SH3PXD2A: variants seen among roughly 807,000 people sequenced by gnomAD.
The protein encoded by SH3PXD2A is SH3 and PX domains 2A, also known as SH3 and PX domain-containing protein 2A.
SH3PXD2A carries 32 observed loss-of-function variants against 115.2 expected under a neutral mutation model. The ratio of observed to expected loss-of-function variants is 0.28; its 90% CI spans 0.21 to 0.37. The LOEUF is 0.37. Ranked by LOEUF, SH3PXD2A falls within the 10% of genes least tolerant of loss-of-function variation. SH3PXD2A has a pLI of 1.00. For missense variants in SH3PXD2A, 1,328 were observed against 1,498.7 expected (o/e 0.89, Z 1.88); for synonymous variants, 610 against 629.1 (o/e 0.97, Z 0.45).
At chr10:103,657,671 A>T (rs2037231199) in intron 8 of SH3PXD2A, among the ~76,000 whole-genome samples, 1 of 152,052 alleles carries the variant, frequency 6.6e-6, no homozygotes, top group Non-Finnish European at 1.5e-5. Flanking sequence ...TTTGGGTTTG[A>T]CTCCTGTTCT....
chr10:103,696,576 C>G (rs1420330868), intron 5 of SH3PXD2A, among the ~76,000 whole-genome samples: 1 of 152,192 alleles, frequency 6.6e-6, no homozygotes, highest in Admixed American at 6.5e-5. Context: ...TGACAGCCCC[C>G]ACCCTGCCGG....
At chr10:103,642,020 C>CTTAA (rs2036962903) in intron 8 of SH3PXD2A, among the ~76,000 whole-genome samples, 1 of 152,104 alleles carries the variant, frequency 6.6e-6, no homozygotes, top group South Asian at 2.1e-4. Flanking sequence ...ATAAAGCCAT[C>CTTAA]GTTAAGTTGA....
chr10:103,661,001 T>A lies in SH3PXD2A; in HGVS notation c.586A>T (p.Ile196Phe), dbSNP rs2037289951. 9 of 1,614,070 alleles carry A rather than the reference T, an allele frequency of 5.6e-6. No homozygotes were observed. Among genetic ancestry groups the A allele is most frequent in the Non-Finnish European group, 7.6e-6 (9 of 1,179,950 alleles). Residue 196 changes from isoleucine (I) to phenylalanine (F), a missense_variant, in exon 8 of 15, where the codon ATC (isoleucine) becomes TTC (phenylalanine). Around this residue, in one of 5 missense-constraint regions of SH3PXD2A, gnomAD observed 509 missense variants for 628.3 expected, o/e 0.81. Coordinates refer to ENST00000369774, the MANE Select transcript of SH3PXD2A (RefSeq NM_001394015.1). ...SLQAGEVVDV[I>F]EKNESGWWFV... ...CACTCACCGCTCTCGTTCTTCTCGA[T>A]GACATCCACCACCTCCCCGGCCTGG...
At chr10:103,733,660 A>C (rs915328928) in intron 4 of SH3PXD2A, among the ~76,000 whole-genome samples, 2 of 152,264 alleles carry the variant, frequency 1.3e-5, no homozygotes, top group Non-Finnish European at 2.9e-5. Flanking sequence ...CACAGTCACG[A>C]AATTCAAACT....
chr10:103,711,471 C>T (rs1018514151), intron 5 of SH3PXD2A, among the ~76,000 whole-genome samples: 1 of 152,218 alleles, frequency 6.6e-6, no homozygotes, highest in Non-Finnish European at 1.5e-5. Context: ...ACGCAGGGAA[C>T]GTGCCCACTG....
At chr10:103,803,233 G>A (rs1157168314) in intron 1 of SH3PXD2A, among the ~76,000 whole-genome samples, 1 of 152,196 alleles carries the variant, frequency 6.6e-6, no homozygotes, top group Non-Finnish European at 1.5e-5. Context: ...CAGAGATGGG[G>A]CATTTATGAC....
chr10:103,824,379 T>A (rs2039409644), intron 1 of SH3PXD2A, among the ~76,000 whole-genome samples: 1 of 152,200 alleles, frequency 6.6e-6, no homozygotes, highest in Non-Finnish European at 1.5e-5. Flanking sequence ...GCTGAAGCAG[T>A]CCCGAACTCA....
At chr10:103,637,441 G>C (rs573183330) in intron 8 of SH3PXD2A, among the ~76,000 whole-genome samples, 93 of 152,312 alleles carry the variant, frequency 6.1e-4, no homozygotes, top group African/African-American at 2.1e-3. Context: ...CCTATGTAAG[G>C]GTTTTGGTAT....
intron 2 of SH3PXD2A, among the ~76,000 whole-genome samples, chr10:103,771,780 CAG>C (rs1491471157): frequency 4.0e-5 from 6 of 149,926 alleles, no homozygotes; most frequent in South Asian, 4.3e-4. Flanking sequence ...CACACACACA[CAG>C]ACACACACAT....
At position 103,602,759 on chromosome 10, in the gene SH3PXD2A, G is replaced by A; in HGVS notation, c.2459C>T (p.Ser820Phe). 6.2e-7 allele frequency: 1 copy of A among 1,614,086 alleles called. No individual in the cohort carries two copies. The highest frequency in any genetic ancestry group is 8.5e-7 in the Non-Finnish European group (1 of 1,179,996). ...APSEGSRRSS[S>F]DLITLPATTP... ...GGTGGCTGGGAGGGTGATGAGGTCG[G>A]ATGAGCTTCTCCTAGACCCCTCACT... Residue 820 changes from serine (S) to phenylalanine (F), a missense_variant, in exon 15 of 15, where the codon TCC (serine) becomes TTC (phenylalanine). Around this residue, in one of 5 missense-constraint regions of SH3PXD2A, gnomAD observed 574 missense variants for 565.7 expected, o/e 1.01. Coordinates refer to ENST00000369774, the MANE Select transcript of SH3PXD2A (RefSeq NM_001394015.1).
intron 2 of SH3PXD2A, 105 bp from the exon 3 acceptor site, chr10:103,767,274 C>T (rs2038763970): frequency 1.1e-5 from 9 of 797,568 alleles, no homozygotes; most frequent in Admixed American, 8.1e-5. Flanking sequence ...TGTCCTCACA[C>T]GGATGAGTGA....
chr10:103,774,483 T>G (rs1402298626), intron 2 of SH3PXD2A, among the ~76,000 whole-genome samples: 1 of 152,260 alleles, frequency 6.6e-6, no homozygotes, highest in Non-Finnish European at 1.5e-5. Context: ...ATTTAACTGT[T>G]TGAAAGTCGT....
In SH3PXD2A at chr10:103,605,684, C is replaced by T. The variant is rs550358333; in HGVS notation, c.1428+114G>A. The T allele has an allele frequency of 2.6e-5, 35 of 1,340,442 alleles. No homozygotes were observed. In the African/African-American group the frequency reaches 4.4e-4, roughly 17 times the overall value. The allele number at this position is 1,340,442 out of a possible 1,614,324, so 83.0% of individuals were successfully genotyped here. ...ATCTTTGTGGGGCTCATTTCTGTAC[C>T]TTTCCTGCCTGCCTGCCCCTCAGGA... On this transcript the variant is annotated intron_variant, in intron 14 of 14. Transcript: ENST00000369774.
At chr10:103,803,155 G>A (rs2039163958) in intron 1 of SH3PXD2A, among the ~76,000 whole-genome samples, 1 of 152,160 alleles carries the variant, frequency 6.6e-6, no homozygotes, top group African/African-American at 2.4e-5. Flanking sequence ...GCCATGGCGA[G>A]TTTTTTCTGA....
At chr10:103,719,440 T>A (rs551734377) in intron 5 of SH3PXD2A, among the ~76,000 whole-genome samples, 164 of 152,324 alleles carry the variant, frequency 1.1e-3, no homozygotes, top group Non-Finnish European at 2.1e-3. Flanking sequence ...GGTAAAATCA[T>A]GTCACAGTCG....
intron 13 of SH3PXD2A, among the ~76,000 whole-genome samples, chr10:103,606,599 A>AT (rs1213490575): frequency 1.3e-5 from 2 of 150,926 alleles, no homozygotes; most frequent in East Asian, 2.0e-4. Flanking sequence ...TCCCTGCCTG[A>AT]TTCTCCTGCC....
rs1006445247 is a variant in SH3PXD2A at position 103,666,467 on chromosome 10, C to T, written c.472+2141G>A. 8.5e-5 allele frequency among the ~76,000 whole-genome samples: 13 copies of T among 152,224 alleles called. No individual in the cohort carries two copies. The highest frequency in any genetic ancestry group is 5.2e-4 in the Admixed American group (8 of 15,282). The stretch of plus-strand genomic sequence containing the variant: ...GGACTTTATGTTGGGCATTGCTCCC[C>T]AACCAAAGTATGTGCCTTGGACAAG... On this transcript the variant is annotated intron_variant, in intron 7 of 14. Coordinates refer to ENST00000369774, the MANE Select transcript of SH3PXD2A (RefSeq NM_001394015.1). The surrounding 1 kb of genome is among the most constrained non-coding windows in gnomAD (Gnocchi z 4.5).
chr10:103,696,978 C>G (rs2037832467), intron 5 of SH3PXD2A, among the ~76,000 whole-genome samples: 1 of 152,178 alleles, frequency 6.6e-6, no homozygotes, highest in South Asian at 2.1e-4. Context: ...CATCCCTCCC[C>G]ATCTAAACAA....
chr10:103,662,754 T>C (rs2037332642), intron 7 of SH3PXD2A, among the ~76,000 whole-genome samples: 1 of 152,132 alleles, frequency 6.6e-6, no homozygotes, highest in African/African-American at 2.4e-5. Context: ...AATGGACTAG[T>C]CACCTCCTAC....
Sources: gnomAD v4.1 joint callset for allele counts (sites outside exome capture counted in the v4.1 genomes callset) on GRCh38, gnomAD v4.1.1 for gene constraint, gnomAD v4.1.1 regional missense constraint, Gnocchi (gnomAD v3.1) non-coding constraint, MANE v1.5 for transcripts, NCBI Gene and HGNC (gene_info 2026-07-23, HGNC 2026-07-21) for gene names.